CAMSAP2: variants seen among roughly 807,000 people sequenced by gnomAD.
CAMSAP2 encodes the protein calmodulin-regulated spectrin-associated protein 2.
In CAMSAP2, 26 loss-of-function variants were observed where a neutral mutation model predicts 146.1. That is an observed-to-expected ratio of 0.18 (90% confidence interval 0.13 to 0.25). The LOEUF is 0.25. CAMSAP2 is among the 10% of genes least tolerant of loss of function. The pLI is 1.00. For synonymous variants in CAMSAP2, 499 were observed against 596.6 expected (o/e 0.84, Z 2.38); for missense variants, 1,381 against 1,759.3 (o/e 0.78, Z 3.85).
rs905226210 is a variant in CAMSAP2, at chr1:200,849,636, C to T, written c.2867C>T (p.Thr956Ile). 17 of 1,614,094 alleles carry T rather than the reference C, an allele frequency of 1.1e-5. No individual in the cohort carries two copies. The highest frequency in any genetic ancestry group is 1.3e-5 in the Non-Finnish European group (15 of 1,180,038). ...TTCTCCTCAGACTCCCCTCGTCCTA[C>T]TCACCCATCTCCACAGTCTTCTAAC... ...APFSSDSPRP[T>I]HPSPQSSNRK... The change falls in exon 11 of 17, where the codon ACT becomes ATT. Residue 956 changes from threonine to isoleucine, a missense_variant. Thr to Ile is a moderately conservative substitution (Grantham distance 89). Transcript: ENST00000358823. The surrounding 1 kb of genome is among the most constrained non-coding windows in gnomAD (Gnocchi z 6.3).
intron 2 of CAMSAP2, among the ~76,000 whole-genome samples, chr1:200,768,535 A>G (rs773521211): frequency 2.6e-5 from 4 of 152,186 alleles, no homozygotes; most frequent in Non-Finnish European, 4.4e-5. Flanking sequence ...TGTTTCAGAA[A>G]GTCACTGTGG....
At chr1:200,762,412 A>C (rs2103003516) in intron 2 of CAMSAP2, among the ~76,000 whole-genome samples, 1 of 152,296 alleles carries the variant, frequency 6.6e-6, no homozygotes, top group Non-Finnish European at 1.5e-5. Flanking sequence ...CCTGCTTTGC[A>C]TACATATCAT....
rs967523950 is a variant in CAMSAP2, at chr1:200,857,191, T to A, written c.4013-115T>A. 2 of 747,428 alleles carry A rather than the reference T, an allele frequency of 2.7e-6. No individual in the cohort carries two copies. The allele number at this position is 747,428 out of a possible 1,614,324, so 46.3% of individuals were successfully genotyped here. A position where few individuals can be genotyped will look rare whatever the true frequency, so the allele number is the denominator to read the frequency against. On this transcript the variant is annotated intron_variant, in intron 15 of 16. Transcript: ENST00000358823. This position sits in a 1 kb window ranked among gnomAD's most constrained non-coding sequence, Gnocchi z 4.7. ...AGTAAGAGGCCTTTAAGCACAGAAT[T>A]TGGTCTTCTATTACAATATTTCAGC...
intron 4 of CAMSAP2, among the ~76,000 whole-genome samples, chr1:200,826,447 TTAAATC>T (rs1270390922): frequency 6.7e-6 from 1 of 150,038 alleles, no homozygotes; most frequent in African/African-American, 2.5e-5. Flanking sequence ...AAAAAAAAGA[TTAAATC>T]TAACAAGTTA....
chr1:200,817,165 C>CGTGT (rs1553288765), intron 4 of CAMSAP2, among the ~76,000 whole-genome samples: 1 of 68,044 alleles, frequency 1.5e-5, no homozygotes, highest in Non-Finnish European at 2.6e-5. Context: ...CATACACACA[C>CGTGT]GTGTGTGTAT....
At chr1:200,785,512 C>T (rs781460131) in intron 2 of CAMSAP2, among the ~76,000 whole-genome samples, 49 of 150,960 alleles carry the variant, frequency 3.2e-4, no homozygotes, top group Admixed American at 2.7e-3. Context: ...TCTCAGCCTC[C>T]GAAGTAGCTG....
chr1:200,803,253 T>C (rs1666081690), intron 2 of CAMSAP2, among the ~76,000 whole-genome samples: 1 of 152,234 alleles, frequency 6.6e-6, no homozygotes, highest in African/African-American at 2.4e-5. Context: ...CTTGGACAGG[T>C]TATACAGTTT....
rs1212357844 is a variant in CAMSAP2 at position 200,848,903 on chromosome 1, A to T, written c.2134A>T (p.Thr712Ser). ...AAGTAGTGGAAGCAGTTCTCAAAAAACTACACCAGAAGGCTCTGAACTTAA... is the reference window on the plus strand; with the variant it reads ...AAGTAGTGGAAGCAGTTCTCAAAAATCTACACCAGAAGGCTCTGAACTTAA... ...GKSSGSSSQKTTPEGSELNIP... is the reference protein window; with the variant it reads ...GKSSGSSSQKSTPEGSELNIP... The change falls in exon 11 of 17, where the codon ACT becomes TCT. Residue 712 changes from threonine to serine, a missense_variant. Physicochemically the swap from Thr to Ser is moderately conservative, Grantham distance 58. Around this residue, in one of 4 missense-constraint regions of CAMSAP2, gnomAD observed 447 missense variants for 462.2 expected, o/e 0.97. Coordinates refer to ENST00000358823, the MANE Select transcript of CAMSAP2 (RefSeq NM_203459.4). 6.2e-7 allele frequency: 1 copy of T among 1,614,152 alleles called. No individual in the cohort carries two copies. Among genetic ancestry groups the T allele is most frequent in the Admixed American group, 1.7e-5 (1 of 60,006 alleles).
intron 4 of CAMSAP2, among the ~76,000 whole-genome samples, chr1:200,816,605 A>AAATAT (rs1364421397): frequency 2.1e-4 from 23 of 111,232 alleles, no homozygotes; most frequent in African/African-American, 7.3e-4. Flanking sequence ...AAAAAAAAAA[A>AAATAT]ATATATATAT....
At chr1:200,797,246 A>C (rs1055867982) in intron 2 of CAMSAP2, among the ~76,000 whole-genome samples, 8 of 150,392 alleles carry the variant, frequency 5.3e-5, no homozygotes, top group African/African-American at 1.7e-4. Flanking sequence ...GAATCGCCAC[A>C]CTGACTTCCA....
At chr1:200,855,911 AG>A (rs1667738806) in intron 14 of CAMSAP2, 98 bp from the exon 15 acceptor site, 2 of 766,800 alleles carry the variant, frequency 2.6e-6, no homozygotes, top group East Asian at 5.0e-5. Flanking sequence ...TATTATTTTT[AG>A]GCCTTTAGGT....
intron 2 of CAMSAP2, among the ~76,000 whole-genome samples, chr1:200,777,428 C>T (rs1313542365): frequency 6.6e-6 from 1 of 152,098 alleles, no homozygotes; most frequent in Non-Finnish European, 1.5e-5. Flanking sequence ...TTGTGAATAA[C>T]CTCAAAAGAA....
At chr1:200,819,622 G>A (rs1666695224) in intron 4 of CAMSAP2, among the ~76,000 whole-genome samples, 2 of 151,826 alleles carry the variant, frequency 1.3e-5, no homozygotes, top group Non-Finnish European at 2.9e-5. Flanking sequence ...TGGGCCTTGG[G>A]TTTGTTTTTT....
At chr1:200,764,129 A>C (rs6427857) in intron 2 of CAMSAP2, among the ~76,000 whole-genome samples, 3 of 152,046 alleles carry the variant, frequency 2.0e-5, no homozygotes, top group African/African-American at 7.2e-5. Context: ...ATGTAAATTA[A>C]CAGTTTTTTT....
chr1:200,742,560 C>G (rs554416578), intron 1 of CAMSAP2, among the ~76,000 whole-genome samples: 2 of 152,032 alleles, frequency 1.3e-5, no homozygotes, highest in East Asian at 3.9e-4. Flanking sequence ...TCTTTATTTG[C>G]TGCAGATACA....
intron 4 of CAMSAP2, 133 bp downstream of exon 4, chr1:200,815,777 A>G (rs936988598): frequency 7.1e-6 from 3 of 422,910 alleles, no homozygotes; most frequent in Admixed American, 8.9e-5. Flanking sequence ...CTAGAAAGCC[A>G]TACTGTAAAC....
chr1:200,809,539 T>A (rs1666270079), intron 3 of CAMSAP2, among the ~76,000 whole-genome samples: 1 of 152,184 alleles, frequency 6.6e-6, no homozygotes, highest in Non-Finnish European at 1.5e-5. Flanking sequence ...AAGACCAGCC[T>A]GGCCAACATG....
rs369541541 is a variant in CAMSAP2 at position 200,816,749 on chromosome 1, T to C, written c.645+1105T>C. Among the ~76,000 whole-genome samples, 38 of 108,408 alleles carry C rather than the reference T, an allele frequency of 3.5e-4. 3 individuals carry two copies. The highest frequency in any genetic ancestry group is 7.1e-4 in the Admixed American group (8 of 11,236). The allele number at this position is 108,408 out of a possible 152,430, so 71.1% of individuals were successfully genotyped here. A position where few individuals can be genotyped will look rare whatever the true frequency, so the allele number is the denominator to read the frequency against. On this transcript the variant is annotated intron_variant, in intron 4 of 16. Transcript: ENST00000358823. ...ATATATGTGTGTACACACACACGCG[T>C]GTATATATGTGTGTACACACACACG...
intron 2 of CAMSAP2, among the ~76,000 whole-genome samples, chr1:200,780,032 A>T (rs10494818): frequency 6.6e-6 from 1 of 151,996 alleles, no homozygotes; most frequent in African/African-American, 2.4e-5. Flanking sequence ...TTATTAATAG[A>T]GTTTATGCCA....
Sources: allele counts gnomAD v4.1 joint callset (sites outside exome capture counted in the v4.1 genomes callset), GRCh38; gene constraint gnomAD v4.1.1; regional missense constraint gnomAD v4.1.1; non-coding constraint Gnocchi (gnomAD v3.1); transcripts MANE v1.5; gene names NCBI Gene and HGNC (gene_info 2026-07-23, HGNC 2026-07-21).